Variants in CTNND2 observed in about 807,000 individuals in gnomAD.
CTNND2 encodes the protein catenin delta-2.
In CTNND2, 22 loss-of-function variants were observed where a neutral mutation model predicts 144.4. That is an observed-to-expected ratio of 0.15 (90% confidence interval 0.11 to 0.22). The LOEUF is 0.22. CTNND2 is among the 10% of genes least tolerant of loss of function. The probability of loss-of-function intolerance (pLI) is 1.00; values close to 1 mark genes in which losing one functional copy is unlikely to be tolerated. For missense variants in CTNND2, 1,353 were observed against 1,618.8 expected (o/e 0.84, Z 2.82); for synonymous variants, 751 against 695.6 (o/e 1.08, Z -1.25).
chr5:11,489,884 T>G (rs1333911522), intron 3 of CTNND2, among the ~76,000 whole-genome samples: 1 of 152,130 alleles, frequency 6.6e-6, no homozygotes, highest in Non-Finnish European at 1.5e-5. Flanking sequence ...CTCTGTGAAT[T>G]TCGTTCTAGG....
At chr5:11,058,791 G>T (rs888332410) in intron 16 of CTNND2, among the ~76,000 whole-genome samples, 3 of 141,864 alleles carry the variant, frequency 2.1e-5, no homozygotes, top group Admixed American at 7.1e-5. Context: ...AGCCACAGGG[G>T]TGAAGCTGCC....
chr5:11,243,204 T>C (rs1230220669), intron 9 of CTNND2, among the ~76,000 whole-genome samples: 4 of 152,228 alleles, frequency 2.6e-5, no homozygotes. Context: ...CTAACTCCCC[T>C]TGGGAGGCAG....
chr5:11,385,750 C>T (rs1406660263), intron 6 of CTNND2: 2 of 152,098 alleles, frequency 1.3e-5, no homozygotes, highest in African/African-American at 2.4e-5. Context: ...AATAAACATA[C>T]TTCTTACAGT....
intron 18 of CTNND2, among the ~76,000 whole-genome samples, chr5:11,005,569 T>C (rs1740403595): frequency 6.6e-6 from 1 of 152,104 alleles, no homozygotes; most frequent in Non-Finnish European, 1.5e-5. Flanking sequence ...TCAGGGTTTG[T>C]GAAAAATAGA....
intron 10 of CTNND2, among the ~76,000 whole-genome samples, chr5:11,201,646 C>A (rs1035160468): frequency 6.6e-6 from 1 of 152,178 alleles, no homozygotes; most frequent in Non-Finnish European, 1.5e-5. Flanking sequence ...TGCAGCGTTT[C>A]ACATATGGTG....
intron 2 of CTNND2, among the ~76,000 whole-genome samples, chr5:11,711,288 C>T (rs1178317249): frequency 6.6e-6 from 1 of 151,986 alleles, no homozygotes; most frequent in African/African-American, 2.4e-5. Flanking sequence ...AACTCCTGAC[C>T]TCAGGTGATG....
At chr5:11,825,554 A>G (rs1243522340) in intron 1 of CTNND2, among the ~76,000 whole-genome samples, 1 of 152,132 alleles carries the variant, frequency 6.6e-6, no homozygotes, top group African/African-American at 2.4e-5. Context: ...GAGAATTTCC[A>G]AAATAAATCA....
At chr5:11,486,042 A>G (rs563531237) in intron 3 of CTNND2, among the ~76,000 whole-genome samples, 1 of 152,324 alleles carries the variant, frequency 6.6e-6, no homozygotes, top group South Asian at 2.1e-4. Context: ...AGAAAAAAAC[A>G]CCCAATTTGT....
At position 11,228,431 on chromosome 5, in the gene CTNND2, C is replaced by T. The variant is rs192877241; in HGVS notation, c.1761+8260G>A. ...GCTGTGGCTTCACCTCTCCATCATG[C>T]CTAACACATGCTATTAGAATGTCCT... On this transcript the variant is annotated intron_variant, in intron 10 of 21. Transcript: ENST00000304623. Among the ~76,000 whole-genome samples, 620 of 149,114 alleles carry T rather than the reference C, an allele frequency of 4.2e-3. 4 individuals carry two copies. The highest frequency in any genetic ancestry group is 0.015 in the African/African-American group (592 of 40,788).
chr5:11,059,355 T>G (rs1397185213), intron 16 of CTNND2, among the ~76,000 whole-genome samples: 1 of 152,212 alleles, frequency 6.6e-6, no homozygotes, highest in Non-Finnish European at 1.5e-5. Flanking sequence ...TGAGATCTGA[T>G]GGTTTTAAAA....
intron 9 of CTNND2, among the ~76,000 whole-genome samples, chr5:11,294,784 C>G (rs1045455954): frequency 5.3e-5 from 8 of 152,214 alleles, no homozygotes; most frequent in Non-Finnish European, 7.4e-5. Context: ...ATTCAACAAC[C>G]CTTCATGCTA....
At chr5:11,645,052 A>G (rs1782275708) in intron 2 of CTNND2, among the ~76,000 whole-genome samples, 2 of 152,158 alleles carry the variant, frequency 1.3e-5, no homozygotes, top group South Asian at 4.1e-4. Context: ...TGCAGGCTCA[A>G]ACTCCTGGGC....
At chr5:11,349,837 A>T (rs1365273287) in intron 8 of CTNND2, among the ~76,000 whole-genome samples, 1 of 151,852 alleles carries the variant, frequency 6.6e-6, no homozygotes, top group Non-Finnish European at 1.5e-5. Context: ...AATATATTAC[A>T]AAATTGTTAT....
chr5:11,390,466 C>T (rs1014482887), intron 6 of CTNND2, among the ~76,000 whole-genome samples: 2 of 152,192 alleles, frequency 1.3e-5, no homozygotes, highest in African/African-American at 4.8e-5. Flanking sequence ...ACAAATCCCC[C>T]CAATGCTTAT....
At chr5:11,053,040 A>G (rs1580150632) in intron 16 of CTNND2, among the ~76,000 whole-genome samples, 1 of 152,326 alleles carries the variant, frequency 6.6e-6, no homozygotes, top group Non-Finnish European at 1.5e-5. Context: ...GACTTAATGT[A>G]GGCAATTTAC....
chr5:11,818,550 T>C (rs1581947841), intron 1 of CTNND2, among the ~76,000 whole-genome samples: 2 of 152,222 alleles, frequency 1.3e-5, no homozygotes. Flanking sequence ...GTATACTTAG[T>C]AGAGACGCAG....
intron 21 of CTNND2, 25 bp downstream of exon 21, chr5:10,981,748 T>A (rs1156778712): frequency 6.3e-7 from 1 of 1,593,114 alleles, no homozygotes; most frequent in Admixed American, 1.7e-5. Flanking sequence ...GAAAAGGAAA[T>A]ACAAACGTGT....
In CTNND2 at chr5:11,022,975, T is replaced by C. The variant is rs141350289; in HGVS notation, c.2793A>G (p.Lys931=). The C allele has an allele frequency of 5.6e-6, 9 of 1,614,044 alleles. No homozygotes were observed. The African/African-American group carries it at 1.2e-4, about 22-fold the overall frequency. Residue 931 remains lysine (K), a synonymous_variant, in exon 17 of 22, where the codon AAA becomes AAG. Transcript: ENST00000304623. ...LDVRNKELIG[K]YAMRDLVHRL... is the part of the protein sequence containing the mutation. ...TGTGGACTAGGTCTCGCATGGCGTATTTGCCTGGAAAAGAAAATAAAGAGA... is the reference window on the plus strand; with the variant it reads ...TGTGGACTAGGTCTCGCATGGCGTACTTGCCTGGAAAAGAAAATAAAGAGA...
intron 3 of CTNND2, among the ~76,000 whole-genome samples, chr5:11,497,511 C>CAG (rs1770069919): frequency 1.6e-4 from 1 of 6,224 alleles, no homozygotes; most frequent in East Asian, 2.5e-3. Flanking sequence ...GAATGATGTG[C>CAG]GGGGGGGTGG....
Sources: allele counts gnomAD v4.1 joint callset (sites outside exome capture counted in the v4.1 genomes callset), GRCh38; gene constraint gnomAD v4.1.1; transcripts MANE v1.5; gene names NCBI Gene and HGNC (gene_info 2026-07-23, HGNC 2026-07-21).